Variants in TENM3 observed in about 807,000 individuals in gnomAD.
TENM3 encodes the protein teneurin-3.
TENM3 carries 63 observed loss-of-function variants against 255.1 expected under a neutral mutation model. The observed-to-expected ratio is 0.25, with a 90% CI of 0.20 to 0.30. The LOEUF (loss-of-function observed/expected upper bound fraction) is 0.30, where lower values mean the gene tolerates loss of function less well. Among genes scored for constraint, TENM3 ranks in the 10% least tolerant of loss-of-function variants. The probability of loss-of-function intolerance (pLI) is 1.00; values close to 1 mark genes in which losing one functional copy is unlikely to be tolerated. For missense variants in TENM3, 2,929 were observed against 3,461.1 expected (o/e 0.85, Z 3.86); for synonymous variants, 1,306 against 1,322.3 (o/e 0.99, Z 0.27).
the TENM3 span, among the ~76,000 whole-genome samples, chr4:182,113,736 G>C: frequency 2.0e-5 from 3 of 151,982 alleles, no homozygotes; most frequent in Non-Finnish European, 4.4e-5. Context: ...ACAAGAGAAG[G>C]GGAAGAGAGA....
Position 182,793,641 on chromosome 4 carries a change from A to T in TENM3, c.6969A>T (p.Glu2323Asp), listed in dbSNP as rs1435464607. Reference protein sequence around the residue: ...LKQIQYTAYGEIYFDSNIDFQ... With the variant: ...LKQIQYTAYGDIYFDSNIDFQ... Reference sequence around the variant, plus strand: ...AGATTCAGTACACTGCATATGGGGAAATCTATTTTGACTCTAATATTGACT... The same window carrying T: ...AGATTCAGTACACTGCATATGGGGATATCTATTTTGACTCTAATATTGACT... The change falls in exon 26 of 28, where the codon GAA becomes GAT. Residue 2323 changes from glutamate to aspartate, a missense_variant. By Grantham distance (45) the Glu-to-Asp change is conservative. Transcript: ENST00000511685. This position sits in a 1 kb window ranked among gnomAD's most constrained non-coding sequence, Gnocchi z 5.7. The T allele has an allele frequency of 6.2e-7, 1 of 1,613,992 alleles. No individual in the cohort carries two copies. The highest frequency in any genetic ancestry group is 8.5e-7 in the Non-Finnish European group (1 of 1,179,882).
At chr4:182,787,607 G>A (rs1020599097) in intron 24 of TENM3, among the ~76,000 whole-genome samples, 6 of 151,776 alleles carry the variant, frequency 4.0e-5, no homozygotes, top group African/African-American at 9.7e-5. Flanking sequence ...GGTGGCAGGC[G>A]CCTGTAATCC....
chr4:182,404,428 G>A (rs1769416330), intron 3 of TENM3, among the ~76,000 whole-genome samples: 1 of 152,168 alleles, frequency 6.6e-6, no homozygotes. Flanking sequence ...AACTAACTCA[G>A]ACATCTAAGC....
Position 182,799,306 on chromosome 4 carries a change from T to G in TENM3, c.7345-290T>G, listed in dbSNP as rs1166313120. 6.6e-6 allele frequency among the ~76,000 whole-genome samples: 1 copy of G among 152,114 alleles called. No individual in the cohort carries two copies. The highest frequency in any genetic ancestry group is 1.5e-5 in the Non-Finnish European group (1 of 68,022). On this transcript the variant is annotated intron_variant, in intron 27 of 27. Transcript: ENST00000511685. The surrounding 1 kb of genome is among the most constrained non-coding windows in gnomAD (Gnocchi z 4.2). ...GAGTGGGAAAAGAGCATCTAGAAAC[T>G]GTAAGAGAAAAGCAAGAAACAGGAC... is the stretch of plus-strand genomic sequence containing the variant.
the TENM3 span, chr4:181,522,674 T>C: frequency 1.6e-6 from 1 of 637,992 alleles, no homozygotes. Flanking sequence ...TGCAGAATGA[T>C]GTGGACATAG....
the TENM3 span, among the ~76,000 whole-genome samples, chr4:181,515,397 G>A: frequency 0.019 from 2,844 of 152,084 alleles, 47 homozygotes; most frequent in East Asian, 0.071. Flanking sequence ...TGTTCCTAAG[G>A]CTGTATTTCT....
chr4:182,501,504 A>T (rs1038330222), intron 3 of TENM3, among the ~76,000 whole-genome samples: 25 of 152,062 alleles, frequency 1.6e-4, no homozygotes, highest in African/African-American at 6.0e-4. Context: ...ATAAATTTTT[A>T]AAAATTAAAG....
the TENM3 span, among the ~76,000 whole-genome samples, chr4:182,122,923 G>GTGGA: frequency 6.6e-6 from 1 of 152,192 alleles, no homozygotes; most frequent in East Asian, 1.9e-4. Context: ...GCTAGATCTT[G>GTGGA]TGGATAACTT....
chr4:181,653,471 G>T, the TENM3 span, among the ~76,000 whole-genome samples: 30,264 of 151,980 alleles, frequency 0.2, 3,256 homozygotes, highest in East Asian at 0.32. Flanking sequence ...GTGCAATGCC[G>T]CCATCTCGGC....
the TENM3 span, among the ~76,000 whole-genome samples, chr4:181,465,374 T>C: frequency 1.6e-4 from 24 of 152,172 alleles, no homozygotes; most frequent in Non-Finnish European, 2.8e-4. Context: ...TAACACATTC[T>C]TCATACAGTT....
chr4:182,149,028 C>T (rs1750149895), intron 1 of TENM3, among the ~76,000 whole-genome samples: 3 of 151,950 alleles, frequency 2.0e-5, no homozygotes, highest in African/African-American at 7.2e-5. Flanking sequence ...TATATGATTT[C>T]TAAAGAAAGA....
At chr4:181,530,108 C>G in the TENM3 span, among the ~76,000 whole-genome samples, 1 of 152,190 alleles carries the variant, frequency 6.6e-6, no homozygotes, top group Non-Finnish European at 1.5e-5. Context: ...TGAAAGAGCA[C>G]TTTTTAAAAA....
At chr4:182,356,142 A>C (rs546282253) in intron 3 of TENM3, among the ~76,000 whole-genome samples, 113 of 152,094 alleles carry the variant, frequency 7.4e-4, no homozygotes, top group African/African-American at 1.9e-3. Flanking sequence ...GGCAAAAAAA[A>C]CCCAAAAGAT....
chr4:181,983,261 T>C, the TENM3 span, among the ~76,000 whole-genome samples: 17 of 152,066 alleles, frequency 1.1e-4, no homozygotes, highest in Admixed American at 1.1e-3. Context: ...CCACAGACAG[T>C]ATATTAGAGA....
the TENM3 span, among the ~76,000 whole-genome samples, chr4:181,694,545 T>G: frequency 6.6e-6 from 1 of 152,250 alleles, no homozygotes; most frequent in East Asian, 1.9e-4. Context: ...TAGTTCTCTC[T>G]GAACTACAGT....
the TENM3 span, among the ~76,000 whole-genome samples, chr4:181,838,138 CAAAA>C: frequency 7.0e-6 from 1 of 143,088 alleles, no homozygotes; most frequent in East Asian, 2.1e-4. Flanking sequence ...GACTCCATCT[CAAAA>C]AAAAAAAAAG....
At chr4:182,679,542 G>A (rs1320472011) in intron 7 of TENM3, 124 bp from the exon 8 acceptor site, 1 of 757,286 alleles carries the variant, frequency 1.3e-6, no homozygotes, top group South Asian at 1.9e-5. Context: ...ATTTGGACCT[G>A]TCAGGAACTT....
chr4:182,280,167 A>C (rs2150265610), intron 1 of TENM3, among the ~76,000 whole-genome samples: 1 of 152,312 alleles, frequency 6.6e-6, no homozygotes, highest in Admixed American at 6.5e-5. Context: ...ATGACCATTC[A>C]GTTGGAGACT....
chr4:182,648,152 GAC>G (rs531425267), intron 5 of TENM3, among the ~76,000 whole-genome samples: 21 of 152,182 alleles, frequency 1.4e-4, no homozygotes, highest in African/African-American at 5.1e-4. Context: ...CATCACAGTT[GAC>G]TCACCTGCAA....
Sources: gnomAD v4.1 joint callset for allele counts (sites outside exome capture counted in the v4.1 genomes callset) on GRCh38, gnomAD v4.1.1 for gene constraint, Gnocchi (gnomAD v3.1) non-coding constraint, MANE v1.5 for transcripts, NCBI Gene and HGNC (gene_info 2026-07-23, HGNC 2026-07-21) for gene names.